The following ZNF292 variants were observed in gnomAD, a reference collection of about 807,000 sequenced individuals.
ZNF292 encodes the protein 16 zinc-finger domain protein.
ZNF292 carries 26 observed loss-of-function variants against 217.9 expected under a neutral mutation model. That is an observed-to-expected ratio of 0.12 (90% CI 0.09 to 0.17). The LOEUF is 0.17. Ranked by LOEUF, ZNF292 falls within the 10% of genes least tolerant of loss-of-function variation. The probability of loss-of-function intolerance (pLI) is 1.00; values close to 1 mark genes in which losing one functional copy is unlikely to be tolerated. For synonymous variants in ZNF292, 1,257 were observed against 1,124.1 expected (o/e 1.12, Z -2.37); for missense variants, 2,904 against 3,175.2 (o/e 0.91, Z 2.05).
chr6:87,247,939 T>G (rs1041434391), intron 7 of ZNF292, among the ~76,000 whole-genome samples: 1 of 152,214 alleles, frequency 6.6e-6, no homozygotes, highest in African/African-American at 2.4e-5. Flanking sequence ...TTATACAGAT[T>G]AGACACAACT....
At chr6:87,236,405 TAA>T (rs3831157) in intron 5 of ZNF292, among the ~76,000 whole-genome samples, 210 of 143,888 alleles carry the variant, frequency 1.5e-3, no homozygotes, top group Middle Eastern at 3.7e-3. Context: ...TTTTTTTTTT[TAA>T]AAAAGAAAAG....
intron 1 of ZNF292, among the ~76,000 whole-genome samples, chr6:87,208,169 A>C (rs554768088): frequency 6.6e-6 from 1 of 152,148 alleles, no homozygotes; most frequent in South Asian, 2.1e-4. Context: ...CTCTTCCCCC[A>C]CCAATCTTAT....
chr6:87,245,456 T>G, intron 6 of ZNF292, 47 bp from the exon 7 acceptor site: 2 of 1,382,402 alleles, frequency 1.4e-6, no homozygotes, highest in Non-Finnish European at 1.9e-6. Context: ...TCCATGATTA[T>G]TACCTTACTG....
intron 4 of ZNF292, chr6:87,222,652 A>C (rs1773141285): frequency 3.0e-6 from 1 of 328,072 alleles, no homozygotes; most frequent in Non-Finnish European, 6.3e-6. Flanking sequence ...TTAATATCTT[A>C]CATTAGTTTG....
chr6:87,200,402 G>A (rs1171636886), intron 1 of ZNF292, among the ~76,000 whole-genome samples: 1 of 152,140 alleles, frequency 6.6e-6, no homozygotes, highest in Non-Finnish European at 1.5e-5. Context: ...ATAGCATTAT[G>A]AGAATTAATT....
chr6:87,217,533 A>C (rs1461811237), intron 3 of ZNF292, among the ~76,000 whole-genome samples: 1 of 152,104 alleles, frequency 6.6e-6, no homozygotes, highest in Non-Finnish European at 1.5e-5. Flanking sequence ...CTTGCCATTC[A>C]GATACACCCT....
chr6:87,168,896 C>T (rs1771000799), intron 1 of ZNF292, among the ~76,000 whole-genome samples: 1 of 152,168 alleles, frequency 6.6e-6, no homozygotes, highest in Non-Finnish European at 1.5e-5. Context: ...GCTCAAGTCC[C>T]TTAAATGAAA....
At chr6:87,184,950 A>T (rs1162647542) in intron 1 of ZNF292, among the ~76,000 whole-genome samples, 1 of 152,226 alleles carries the variant, frequency 6.6e-6, no homozygotes, top group East Asian at 1.9e-4. Context: ...GCTTCTGGCC[A>T]ATTGATGGTG....
Position 87,259,806 on chromosome 6 carries a change from G to C in ZNF292, c.6177G>C (p.Val2059=), listed in dbSNP as rs913593960. ...ACAAAACAGAAAGTTCTTTACAAGT[G>C]ATTACAGTTACTTCAGAACAATGTA... is the stretch of plus-strand genomic sequence containing the variant. ...SPDKTESSLQ[V]ITVTSEQCNT... Residue 2059 remains valine, a synonymous_variant, in exon 8 of 8, where the codon GTG becomes GTC. Coordinates refer to ENST00000369577, the MANE Select transcript of ZNF292 (RefSeq NM_015021.3). The C allele has an allele frequency of 5.6e-6, 9 of 1,609,946 alleles. No homozygotes were observed. In the Admixed American group the frequency reaches 1.2e-4, roughly 21 times the overall value.
intron 5 of ZNF292, among the ~76,000 whole-genome samples, chr6:87,236,623 T>G (rs1367867750): frequency 6.6e-6 from 1 of 152,316 alleles, no homozygotes; most frequent in Non-Finnish European, 1.5e-5. Flanking sequence ...ACTTTCTATC[T>G]TGTATCTCTG....
Position 87,254,950 on chromosome 6 carries a change from C to T in ZNF292, c.1321C>T (p.Pro441Ser), listed in dbSNP as rs1775131620. ...ELLLVLKTQW[P>S]FDPEFWDWKT... The stretch of plus-strand genomic sequence containing the variant: ...GTTACTTGTATTGAAAACTCAATGG[C>T]CCTTTGATCCAGAATTCTGGGATTG... Residue 441 changes from proline (P) to serine (S), a missense_variant, in exon 8 of 8, where the codon CCC (proline) becomes TCC (serine). Pro to Ser is a moderately conservative substitution (Grantham distance 74). Coordinates refer to ENST00000369577, the MANE Select transcript of ZNF292 (RefSeq NM_015021.3). The T allele has an allele frequency of 6.2e-7, 1 of 1,613,668 alleles. No individual in the cohort carries two copies. The highest frequency in any genetic ancestry group is 8.5e-7 in the Non-Finnish European group (1 of 1,179,854).
chr6:87,172,761 G>T (rs1398728883), intron 1 of ZNF292, among the ~76,000 whole-genome samples: 1 of 151,954 alleles, frequency 6.6e-6, no homozygotes, highest in African/African-American at 2.4e-5. Flanking sequence ...AAAAATATTA[G>T]CTGGGCGTGG....
At position 87,233,504 on chromosome 6, in the gene ZNF292, C is replaced by A. The variant is rs201229625; in HGVS notation, c.718C>A (p.Pro240Thr). ...CCTTGTCTGTCTTTGTACATCATCA[C>A]CAAATGGAAAGTTAATCGAAGAGGT... Reference protein sequence around the residue: ...TYLVCLCTSSPNGKLIEEISE... With the variant: ...TYLVCLCTSSTNGKLIEEISE... The change falls in exon 5 of 8, where the codon CCA (proline) becomes ACA (threonine). Residue 240 changes from proline (P) to threonine (T), a missense_variant. Transcript: ENST00000369577. 1.2e-6 allele frequency: 2 copies of A among 1,610,846 alleles called. No individual in the cohort carries two copies. Among genetic ancestry groups the A allele is most frequent in the Non-Finnish European group, 1.7e-6 (2 of 1,178,542 alleles).
rs773606116 is a variant in ZNF292 at position 87,256,565 on chromosome 6, A to C, written c.2936A>C (p.Asn979Thr). The change falls in exon 8 of 8, where the codon AAT becomes ACT. Residue 979 changes from asparagine to threonine, a missense_variant. Asn to Thr is a moderately conservative substitution (Grantham distance 65). Around this residue, in one of 15 missense-constraint regions of ZNF292, gnomAD observed 687 missense variants for 623.0 expected, o/e 1.10. Transcript: ENST00000369577. ...DLHTPVEDTC[N>T]DLCHPGFQER... ...CATACGCCAGTTGAAGATACTTGTA[A>C]TGATTTGTGTCATCCAGGTTTCCAG... The C allele has an allele frequency of 1.2e-6, 2 of 1,613,672 alleles. No homozygotes were observed.
chr6:87,167,143 G>A (rs2127771463), intron 1 of ZNF292, among the ~76,000 whole-genome samples: 1 of 152,318 alleles, frequency 6.6e-6, no homozygotes, highest in East Asian at 1.9e-4. Flanking sequence ...AAACTAGGAA[G>A]TGAACTGCAG....
chr6:87,229,988 A>G (rs1582460215), intron 4 of ZNF292, among the ~76,000 whole-genome samples: 1 of 152,276 alleles, frequency 6.6e-6, no homozygotes, highest in East Asian at 1.9e-4. Flanking sequence ...TGGGGGAGCA[A>G]TATGGAAGTG....
chr6:87,258,214 C>T lies in ZNF292; in HGVS notation c.4585C>T (p.Pro1529Ser). The change falls in exon 8 of 8, where the codon CCA becomes TCA. Residue 1529 changes from proline to serine, a missense_variant. By Grantham distance (74) the Pro-to-Ser change is moderately conservative (BLOSUM62 -1). Coordinates refer to ENST00000369577, the MANE Select transcript of ZNF292 (RefSeq NM_015021.3). ...DASQVNATVMPNPTVPPLLHT... is the reference protein window; with the variant it reads ...DASQVNATVMSNPTVPPLLHT... ...ATCACAAGTAAATGCAACGGTGATG[C>T]CAAATCCAACTGTACCACCCCTGTT... The T allele has an allele frequency of 6.2e-7, 1 of 1,611,940 alleles. No individual in the cohort carries two copies. The highest frequency in any genetic ancestry group is 1.7e-4 in the Middle Eastern group (1 of 6,056).
At chr6:87,158,097 C>T (rs2127767156) in intron 1 of ZNF292, among the ~76,000 whole-genome samples, 1 of 152,252 alleles carries the variant, frequency 6.6e-6, no homozygotes, top group South Asian at 2.1e-4. Flanking sequence ...AGTGATTAGT[C>T]TTGCCACATA....
In ZNF292 at chr6:87,263,593, C is replaced by T. The variant is rs1021346475; in HGVS notation, c.*1792C>T. The T allele has an allele frequency of 1.3e-5, 2 of 151,862 alleles. No individual in the cohort carries two copies. Among genetic ancestry groups the T allele is most frequent in the Admixed American group, 1.3e-4 (2 of 15,254 alleles). The allele number at this position is 151,862 out of a possible 1,614,324, so 9.4% of individuals were successfully genotyped here. ...GTTCATTTCACCTGTTTAAGACTTA[C>T]TACCAATAAGCATAAAACCTGACAC... On this transcript the variant is annotated 3_prime_UTR_variant, in exon 8 of 8. Coordinates refer to ENST00000369577, the MANE Select transcript of ZNF292 (RefSeq NM_015021.3).
Sources: gnomAD v4.1 joint callset for allele counts (sites outside exome capture counted in the v4.1 genomes callset) on GRCh38, gnomAD v4.1.1 for gene constraint, gnomAD v4.1.1 regional missense constraint, MANE v1.5 for transcripts, NCBI Gene and HGNC (gene_info 2026-07-23, HGNC 2026-07-21) for gene names.